CFAP99: variants seen among roughly 807,000 people sequenced by gnomAD.
The protein encoded by CFAP99 is cilia and flagella associated protein 99, also known as cilia- and flagella-associated protein 99.
Under a neutral mutation model 82.7 loss-of-function variants are expected in CFAP99, and 84 were observed. The ratio of observed to expected loss-of-function variants is 1.02; its 90% CI spans 0.85 to 1.22. The LOEUF is 1.22. Among genes scored for constraint, CFAP99 ranks in the 50% most tolerant of loss-of-function variants. The pLI, the probability that CFAP99 is intolerant of heterozygous loss-of-function variation, is 0.00. For missense variants in CFAP99, 1,059 were observed against 983.5 expected (o/e 1.08, Z -1.03); for synonymous variants, 456 against 429.5 (o/e 1.06, Z -0.76).
At chr4:2,431,822 T>C (rs1733808144) in intron 2 of CFAP99, among the ~76,000 whole-genome samples, 1 of 152,098 alleles carries the variant, frequency 6.6e-6, no homozygotes. Flanking sequence ...GTTCAAGCAA[T>C]TCTCGTGCAT....
intron 11 of CFAP99, among the ~76,000 whole-genome samples, chr4:2,454,225 A>G (rs905255688): frequency 2.6e-5 from 4 of 151,930 alleles, no homozygotes; most frequent in African/African-American, 9.7e-5. Flanking sequence ...CTGGTCTTGA[A>G]CTCCTGGCCT....
chr4:2,423,242 C>A (rs570812227), intron 1 of CFAP99, among the ~76,000 whole-genome samples: 2 of 152,344 alleles, frequency 1.3e-5, no homozygotes, highest in South Asian at 4.1e-4. Context: ...ACCTACCCAC[C>A]AGGGTTGGCC....
intron 3 of CFAP99, among the ~76,000 whole-genome samples, chr4:2,437,403 G>A (rs761171911): frequency 2.0e-5 from 3 of 152,206 alleles, no homozygotes; most frequent in East Asian, 1.9e-4. Flanking sequence ...CAAGAGACTC[G>A]CTGCCTGGGC....
Position 2,462,441 on chromosome 4 carries a change from A to G in CFAP99, c.1662-2A>G. The G allele has an allele frequency of 6.9e-7, 1 of 1,440,128 alleles. No individual in the cohort carries two copies. The highest frequency in any genetic ancestry group is 1.5e-5 in the African/African-American group (1 of 66,800). 89.2% of individuals were successfully genotyped at this position (1,440,128 alleles called of 1,614,324 possible). On this transcript the variant is annotated splice_acceptor_variant, in intron 14 of 14. Coordinates refer to ENST00000635017, the Ensembl canonical transcript of CFAP99. LOFTEE classifies it high-confidence loss of function. This position sits in a 1 kb window ranked among gnomAD's most constrained non-coding sequence, Gnocchi z 4.1. Reference sequence around the variant, plus strand: ...TCCTGAGCCCGCCGCGTCGCCCGCCAGGTGGGAGGAAAAGAAGGCCCTTGC... The same window carrying G: ...TCCTGAGCCCGCCGCGTCGCCCGCCGGGTGGGAGGAAAAGAAGGCCCTTGC...
chr4:2,444,349 C>G (rs1310748693), intron 5 of CFAP99, among the ~76,000 whole-genome samples: 1 of 152,210 alleles, frequency 6.6e-6, no homozygotes, highest in African/African-American at 2.4e-5. Flanking sequence ...TACTCTAGGA[C>G]CAGCCCCTCT....
chr4:2,449,966 G>A, exon 8 of CFAP99: 1 of 1,536,220 alleles, frequency 6.5e-7, no homozygotes, highest in Non-Finnish European at 8.7e-7. Flanking sequence ...TCGAGGAACT[G>A]CGCTGCGCCA....
Position 2,462,907 on chromosome 4 carries a change from G to A in CFAP99, c.2126G>A (p.Arg709His). The change falls in exon 15 of 15, where the codon CGC (arginine) becomes CAC (histidine). Residue 709 changes from arginine (R) to histidine (H), a missense_variant. Transcript: ENST00000635017. The surrounding 1 kb of genome is among the most constrained non-coding windows in gnomAD (Gnocchi z 4.1). ...GGAGGCTCAGGACCCGGGCCCGCGC[G>A]CCGCCTGGAGGCCGCCTGAGCCGGG... The A allele has an allele frequency of 7.6e-7, 1 of 1,310,932 alleles. No individual in the cohort carries two copies. Among genetic ancestry groups the A allele is most frequent in the South Asian group, 2.2e-5 (1 of 45,534 alleles). The allele number at this position is 1,310,932 out of a possible 1,614,324, so 81.2% of individuals were successfully genotyped here.
At chr4:2,441,011 T>C (rs139646499) in intron 4 of CFAP99, among the ~76,000 whole-genome samples, 1,745 of 151,794 alleles carry the variant, frequency 0.011, 39 homozygotes, top group African/African-American at 0.041. Context: ...TGAGCCATGA[T>C]TGTGCCACTG....
intron 14 of CFAP99, 95 bp downstream of exon 14, chr4:2,460,337 C>A: frequency 9.3e-7 from 1 of 1,077,440 alleles, no homozygotes; most frequent in Non-Finnish European, 1.4e-6. Context: ...CTAGAAACAA[C>A]CACCACCCTC....
At chr4:2,445,161 C>A in exon 6 of CFAP99, 1 of 1,403,018 alleles carries the variant, frequency 7.1e-7, no homozygotes, top group Admixed American at 3.1e-5. Flanking sequence ...AGCTGATCAA[C>A]CACCTGGAGG....
In CFAP99 at chr4:2,462,873, C is replaced by CT; in HGVS notation, c.2093dup (p.Gln699AlafsTer?). The CT allele has an allele frequency of 7.2e-7, 1 of 1,388,064 alleles. No individual in the cohort carries two copies. The highest frequency in any genetic ancestry group is 1.6e-5 in the South Asian group (1 of 64,294). The allele number at this position is 1,388,064 out of a possible 1,614,324, so 86.0% of individuals were successfully genotyped here. ...GAGCCGCGAGCGCAGGCTGCAGGCGCTGCAGCAGGGAGGCTCAGGACCCGG... is the reference window on the plus strand; with the variant it reads ...GAGCCGCGAGCGCAGGCTGCAGGCGCTTGCAGCAGGGAGGCTCAGGACCCGG... On this transcript the variant is annotated frameshift_variant, in exon 15 of 15. Transcript: ENST00000635017. LOFTEE classifies it low-confidence loss of function (END_TRUNC). The surrounding 1 kb of genome is among the most constrained non-coding windows in gnomAD (Gnocchi z 4.1).
rs1257060374 is a variant in CFAP99 at position 2,443,253 on chromosome 4, TG to T, written c.464+17del. On this transcript the variant is annotated intron_variant, in intron 5 of 14. Coordinates refer to ENST00000635017, the Ensembl canonical transcript of CFAP99. ...CGACCCCCTGATGAGGTAGGCTGGA[TG>T]GGGGGCTCTGGGGGCCCTGAATGGC... 6.7e-7 allele frequency: 1 copy of T among 1,489,870 alleles called. No homozygotes were observed. Among genetic ancestry groups the T allele is most frequent in the Non-Finnish European group, 9.0e-7 (1 of 1,105,210 alleles). 92.3% of individuals were successfully genotyped at this position (1,489,870 alleles called of 1,614,324 possible).
chr4:2,458,601 G>A, intron 11 of CFAP99, 122 bp from the exon 12 acceptor site: 1 of 1,286,324 alleles, frequency 7.8e-7, no homozygotes. Context: ...GGGTTCTGGG[G>A]TGATTCAAGG....
intron 13 of CFAP99, among the ~76,000 whole-genome samples, chr4:2,459,461 C>CACACACTT (rs1402789773): frequency 1.3e-5 from 2 of 152,224 alleles, no homozygotes; most frequent in Admixed American, 6.5e-5. Flanking sequence ...GCGGGCAAGG[C>CACACACTT]ACACACTTAG....
chr4:2,451,203 G>A (rs2108730902), intron 9 of CFAP99, 61 bp from the exon 10 acceptor site: 2 of 1,518,226 alleles, frequency 1.3e-6, no homozygotes, highest in Non-Finnish European at 1.8e-6. Flanking sequence ...GGCAGGATGG[G>A]CATTTGCTGC....
chr4:2,433,154 C>G (rs1733833241), intron 2 of CFAP99, among the ~76,000 whole-genome samples: 2 of 152,218 alleles, frequency 1.3e-5, no homozygotes, highest in Admixed American at 1.3e-4. Context: ...ACCCTCCGGC[C>G]CAGAGTGGCC....
intron 11 of CFAP99, among the ~76,000 whole-genome samples, chr4:2,454,090 C>A (rs1264012511): frequency 1.3e-5 from 2 of 152,072 alleles, no homozygotes; most frequent in Non-Finnish European, 2.9e-5. Flanking sequence ...CCTCCACCTC[C>A]TGGGTTTAAG....
At chr4:2,422,648 T>C (rs7692263) in intron 1 of CFAP99, among the ~76,000 whole-genome samples, 47,242 of 152,000 alleles carry the variant, frequency 0.31, 8,307 homozygotes, top group East Asian at 0.52. Flanking sequence ...GGGGCCCTTT[T>C]CCTGGGTGTA....
At chr4:2,445,204 A>T in exon 6 of CFAP99, 1 of 1,459,344 alleles carries the variant, frequency 6.9e-7, no homozygotes, top group Non-Finnish European at 9.0e-7. Context: ...TCCTTTAAAG[A>T]CCAAGGCCAA....
Sources: gnomAD v4.1 joint callset for allele counts (sites outside exome capture counted in the v4.1 genomes callset) on GRCh38, gnomAD v4.1.1 for gene constraint, Gnocchi (gnomAD v3.1) non-coding constraint, MANE v1.5 for transcripts, NCBI Gene and HGNC (gene_info 2026-07-23, HGNC 2026-07-21) for gene names.